CCDC170: variants seen among roughly 807,000 people sequenced by gnomAD.
CCDC170 encodes coiled-coil domain containing 170.
CCDC170 carries 69 observed loss-of-function variants against 72.6 expected under a neutral mutation model. The observed-to-expected ratio is 0.95, with a 90% confidence interval of 0.78 to 1.16. CCDC170 has a LOEUF of 1.16. Ranked by LOEUF, CCDC170 falls within the 50% of genes most tolerant of loss-of-function variation. The probability of loss-of-function intolerance (pLI) is 0.00; values close to 1 mark genes in which losing one functional copy is unlikely to be tolerated. For synonymous variants in CCDC170, 300 were observed against 303.9 expected (o/e 0.99, Z 0.13); for missense variants, 852 against 832.5 (o/e 1.02, Z -0.29).
At chr6:151,537,151 C>A (rs891175717) in intron 2 of CCDC170, among the ~76,000 whole-genome samples, 1 of 152,238 alleles carries the variant, frequency 6.6e-6, no homozygotes, top group South Asian at 2.1e-4. Flanking sequence ...TTCCAACTGG[C>A]TGGGGAAATT....
At chr6:151,499,579 G>C (rs1344353695) in intron 1 of CCDC170, among the ~76,000 whole-genome samples, 3 of 103,884 alleles carry the variant, frequency 2.9e-5, no homozygotes, top group African/African-American at 9.1e-5. Flanking sequence ...ACTATTCTAG[G>C]CACGCTGTAT....
chr6:151,600,006 C>CTTGGT (rs1776680500), intron 9 of CCDC170, among the ~76,000 whole-genome samples: 1 of 152,158 alleles, frequency 6.6e-6, no homozygotes, highest in Non-Finnish European at 1.5e-5. Flanking sequence ...ATAGGAGAGA[C>CTTGGT]TTGGTTTGAC....
chr6:151,504,030 T>C (rs1194925048), intron 1 of CCDC170, among the ~76,000 whole-genome samples: 1 of 152,184 alleles, frequency 6.6e-6, no homozygotes, highest in Non-Finnish European at 1.5e-5. Context: ...GTGAATAATA[T>C]AGTGTCATTG....
At chr6:151,568,164 G>C (rs1429590435) in intron 5 of CCDC170, among the ~76,000 whole-genome samples, 2 of 146,224 alleles carry the variant, frequency 1.4e-5, no homozygotes, top group East Asian at 4.1e-4. Flanking sequence ...TTGCATCAGT[G>C]TCAACTTGCT....
chr6:151,555,998 C>A (rs765334576), intron 5 of CCDC170, among the ~76,000 whole-genome samples: 8 of 152,210 alleles, frequency 5.3e-5, no homozygotes, highest in Non-Finnish European at 7.3e-5. Flanking sequence ...GTAATGTCAA[C>A]ACTTTGGGAG....
intron 9 of CCDC170, among the ~76,000 whole-genome samples, chr6:151,604,293 G>A (rs985839199): frequency 4.6e-5 from 7 of 152,008 alleles, no homozygotes; most frequent in Admixed American, 3.9e-4. Flanking sequence ...CTCATACTCA[G>A]CTCCGATGAT....
Position 151,617,947 on chromosome 6 carries a change from C to T in CCDC170, c.1948C>T (p.Leu650=). Residue 650 remains leucine, a splice_region_variant and synonymous_variant, in exon 11 of 11, where the codon CTG becomes TTG. Transcript: ENST00000239374. The stretch of plus-strand genomic sequence containing the variant: ...AATGAGTTTCTGTTTGATATTGCAG[C>T]TGGCAGACTTCAGGGAGGTGGTGTC... ...LEEAEKREKQ[L]ADFREVVSQM... is the part of the protein sequence containing the mutation. 1 of 1,611,466 alleles carries T rather than the reference C, an allele frequency of 6.2e-7. No individual in the cohort carries two copies. Among genetic ancestry groups the T allele is most frequent in the Non-Finnish European group, 8.5e-7 (1 of 1,178,074 alleles).
rs1447682413 is a variant in CCDC170, at chr6:151,536,432, T to C, written c.172T>C (p.Cys58Arg). Residue 58 changes from cysteine (C) to arginine (R), a missense_variant, in exon 2 of 11, where the codon TGT (cysteine) becomes CGT (arginine). Physicochemically the swap from Cys to Arg is radical, Grantham distance 180. Coordinates refer to ENST00000239374, the MANE Select transcript of CCDC170 (RefSeq NM_025059.4). ...TGCAGCAACTTTGGTCAAATTTGAA[T>C]GTGCTCAGTCTGAGGTAAGATAATG... ...ELAATLVKFE[C>R]AQSELQDLRS... 6.2e-7 allele frequency: 1 copy of C among 1,614,062 alleles called. No individual in the cohort carries two copies. The highest frequency in any genetic ancestry group is 1.7e-5 in the Admixed American group (1 of 60,018).
At chr6:151,605,576 C>T (rs188216175) in intron 9 of CCDC170, among the ~76,000 whole-genome samples, 10 of 152,324 alleles carry the variant, frequency 6.6e-5, no homozygotes, top group Admixed American at 5.2e-4. Context: ...AAACTGTCCT[C>T]TTACCAGGGA....
At chr6:151,565,907 A>G (rs574428253) in intron 5 of CCDC170, among the ~76,000 whole-genome samples, 3 of 152,304 alleles carry the variant, frequency 2.0e-5, no homozygotes, top group African/African-American at 7.2e-5. Flanking sequence ...TAATCTTAGC[A>G]TGTGATGCTG....
chr6:151,563,096 G>A (rs1267458062), intron 5 of CCDC170, among the ~76,000 whole-genome samples: 2 of 152,114 alleles, frequency 1.3e-5, no homozygotes, highest in Non-Finnish European at 2.9e-5. Context: ...GTACCTCCAT[G>A]GTTTGTCTGT....
intron 1 of CCDC170, among the ~76,000 whole-genome samples, chr6:151,497,967 A>G (rs1402343600): frequency 2.6e-5 from 4 of 151,604 alleles, no homozygotes; most frequent in African/African-American, 9.7e-5. Context: ...AAAAAAAAAA[A>G]AAAAAAAAGA....
chr6:151,570,705 A>G (rs1260153419), intron 5 of CCDC170, among the ~76,000 whole-genome samples: 1 of 152,210 alleles, frequency 6.6e-6, no homozygotes, highest in Non-Finnish European at 1.5e-5. Context: ...GCCCCAATTT[A>G]TTATCACCTT....
chr6:151,558,991 C>T (rs1562282164), intron 5 of CCDC170, among the ~76,000 whole-genome samples: 1 of 144,268 alleles, frequency 6.9e-6, no homozygotes, highest in Admixed American at 7.0e-5. Context: ...GTAATGTGGT[C>T]ATTTAACAAC....
intron 2 of CCDC170, among the ~76,000 whole-genome samples, chr6:151,537,203 C>T (rs759173135): frequency 6.6e-5 from 10 of 152,098 alleles, no homozygotes; most frequent in East Asian, 1.9e-4. Context: ...TAGGCTAGCT[C>T]GGGTTTAGAG....
At chr6:151,573,600 G>A (rs1045434332) in intron 6 of CCDC170, 109 bp downstream of exon 6, 16 of 1,031,030 alleles carry the variant, frequency 1.6e-5, no homozygotes, top group Admixed American at 2.7e-5. Flanking sequence ...AGAAATACCC[G>A]AGACTGGGTA....
At chr6:151,497,916 C>T (rs1365398514) in intron 1 of CCDC170, among the ~76,000 whole-genome samples, 1 of 123,268 alleles carries the variant, frequency 8.1e-6, no homozygotes, top group Non-Finnish European at 1.6e-5. Context: ...GCAGAGGTTG[C>T]AGTGAGCCAA....
rs114490363 is a variant in CCDC170 at position 151,514,722 on chromosome 6, A to G, written c.57+20537A>G. The stretch of plus-strand genomic sequence containing the variant: ...TCGTGGGCAGCTTTGTAGGTGGGGA[A>G]AGATGGATCAGGTCTGCATTTCAGA... On this transcript the variant is annotated intron_variant, in intron 1 of 10. Transcript: ENST00000239374. Among the ~76,000 whole-genome samples the G allele has an allele frequency of 2.1e-3, 322 of 152,274 alleles. 2 individuals are homozygous for G. Among genetic ancestry groups the G allele is most frequent in the African/African-American group, 7.2e-3 (299 of 41,568 alleles).
intron 6 of CCDC170, among the ~76,000 whole-genome samples, chr6:151,582,233 T>A (rs1388786366): frequency 6.6e-6 from 1 of 152,222 alleles, no homozygotes; most frequent in Non-Finnish European, 1.5e-5. Context: ...TGTCGCCACC[T>A]TCATCAATGA....
Sources: gnomAD v4.1 joint callset for allele counts (sites outside exome capture counted in the v4.1 genomes callset) on GRCh38, gnomAD v4.1.1 for gene constraint, MANE v1.5 for transcripts, NCBI Gene and HGNC (gene_info 2026-07-23, HGNC 2026-07-21) for gene names.